Variants in SIK3 observed in about 807,000 individuals in gnomAD.
SIK3 encodes the protein SIK family kinase 3, also known as serine/threonine-protein kinase SIK3.
A neutral mutation model predicts 144.2 loss-of-function variants in SIK3; 28 were observed. That is an observed-to-expected ratio of 0.19 (90% CI 0.14 to 0.27). The LOEUF is 0.27. SIK3 is among the 10% of genes least tolerant of loss of function. The probability of loss-of-function intolerance (pLI) is 1.00; values close to 1 mark genes in which losing one functional copy is unlikely to be tolerated. For missense variants in SIK3, 1,319 were observed against 1,776.0 expected, an observed-to-expected ratio of 0.74 and a Z score of 4.62; for synonymous variants, 686 against 676.3, an observed-to-expected ratio of 1.01 and a Z score of -0.22.
At position 116,867,692 on chromosome 11, in the gene SIK3, A is replaced by G; in HGVS notation, c.1952+254T>C. ...TATCTATGAATCAACATCTAGAATC[A>G]TGGGAATCAAATGCAGACAATAAAC... is the stretch of plus-strand genomic sequence containing the variant. On this transcript the variant is annotated intron_variant, in intron 15 of 24. Transcript: ENST00000445177. This position sits in a 1 kb window ranked among gnomAD's most constrained non-coding sequence, Gnocchi z 4.1. The G allele has an allele frequency of 1.4e-5, 5 of 357,700 alleles. No individual in the cohort carries two copies. The highest frequency in any genetic ancestry group is 2.5e-5 in the Non-Finnish European group (5 of 200,110). The allele number at this position is 357,700 out of a possible 1,614,324, so 22.2% of individuals were successfully genotyped here.
intron 1 of SIK3, chr11:117,035,909 C>T: frequency 6.3e-7 from 1 of 1,596,512 alleles, no homozygotes; most frequent in Non-Finnish European, 8.5e-7. Context: ...TTGTGCATGG[C>T]TAAAGACCGT....
rs546310245 is a variant in SIK3, at chr11:116,853,060, C to T, written c.3656-3777G>A. On this transcript the variant is annotated intron_variant, in intron 21 of 24. Coordinates refer to ENST00000445177, the MANE Select transcript of SIK3 (RefSeq NM_001366686.3). ...ACTTGAAGTCAGGACCCAGCTCCCTCACCAGCAAAGTGTTGGCAAATCTTT... is the reference window on the plus strand; with the variant it reads ...ACTTGAAGTCAGGACCCAGCTCCCTTACCAGCAAAGTGTTGGCAAATCTTT... Among the ~76,000 whole-genome samples the T allele has an allele frequency of 2.0e-5, 3 of 152,342 alleles. No homozygotes were observed. The East Asian group carries it at 5.8e-4, about 29-fold the overall frequency.
At chr11:117,077,550 C>A (rs1245339702) in intron 1 of SIK3, among the ~76,000 whole-genome samples, 1 of 152,108 alleles carries the variant, frequency 6.6e-6, no homozygotes, top group Non-Finnish European at 1.5e-5. Context: ...AACACAAAAG[C>A]CAACTACCTA....
chr11:117,047,123 T>C (rs1220762592), intron 1 of SIK3, among the ~76,000 whole-genome samples: 8 of 152,372 alleles, frequency 5.3e-5, no homozygotes, highest in Middle Eastern at 6.8e-3. Flanking sequence ...TTATTGTTTA[T>C]TTATGTTGGA....
intron 4 of SIK3, among the ~76,000 whole-genome samples, chr11:116,916,809 A>C (rs1263389427): frequency 2.0e-5 from 3 of 151,714 alleles, no homozygotes; most frequent in Non-Finnish European, 4.4e-5. Context: ...AAAAAAAAAA[A>C]AATTTTTTTT....
In SIK3 at chr11:116,956,980, G is replaced by A. The variant is rs759785157; in HGVS notation, c.358C>T (p.Leu120Phe). ...AGCCTGATGATATGGGGGTGGCAAA[G>A]CATCTTCATAATTTGAACTTCCCGG... ...IFREVQIMKM[L>F]CHPHIIRLYQ... is the part of the protein sequence containing the mutation. Residue 120 changes from leucine to phenylalanine, a missense_variant, in exon 2 of 25, where the codon CTT becomes TTT. Around this residue, in one of 8 missense-constraint regions of SIK3, gnomAD observed 125 missense variants for 285.2 expected, o/e 0.44. Transcript: ENST00000445177. 1 of 1,609,512 alleles carries A rather than the reference G, an allele frequency of 6.2e-7. No homozygotes were observed. Among genetic ancestry groups the A allele is most frequent in the South Asian group, 1.1e-5 (1 of 90,160 alleles).
intron 1 of SIK3, among the ~76,000 whole-genome samples, chr11:117,023,978 C>A (rs1951905369): frequency 6.6e-6 from 1 of 152,114 alleles, no homozygotes; most frequent in Non-Finnish European, 1.5e-5. Flanking sequence ...CACACCCGGG[C>A]CTGGACAGAC....
chr11:116,978,662 C>A (rs1036021485), intron 1 of SIK3, among the ~76,000 whole-genome samples: 8 of 151,738 alleles, frequency 5.3e-5, no homozygotes, highest in Non-Finnish European at 8.8e-5. Flanking sequence ...CACCACCATG[C>A]CCAGATAATA....
At chr11:116,857,438 A>C (rs944866843) in intron 21 of SIK3, 1 of 226,490 alleles carries the variant, frequency 4.4e-6, no homozygotes, top group African/African-American at 2.3e-5. Flanking sequence ...AGGTGCTCTG[A>C]CTCTTGTTCC....
chr11:116,935,181 G>A (rs1236210736), intron 3 of SIK3, among the ~76,000 whole-genome samples: 1 of 152,108 alleles, frequency 6.6e-6, no homozygotes, highest in African/African-American at 2.4e-5. Context: ...CCAGGAGTTC[G>A]AGGCTGCAGT....
chr11:117,016,801 TG>T (rs1279384921), intron 1 of SIK3, among the ~76,000 whole-genome samples: 1 of 152,170 alleles, frequency 6.6e-6, no homozygotes, highest in Non-Finnish European at 1.5e-5. Flanking sequence ...TCAATAAAGC[TG>T]GGAGGGTGAG....
At chr11:117,008,995 G>A (rs1361314518) in intron 1 of SIK3, among the ~76,000 whole-genome samples, 1 of 152,060 alleles carries the variant, frequency 6.6e-6, no homozygotes, top group Non-Finnish European at 1.5e-5. Flanking sequence ...AGCACTTTGG[G>A]AGGCCGAGGC....
At chr11:116,861,969 G>A (rs1943358551) in intron 17 of SIK3, 43 bp from the exon 18 acceptor site, 1 of 1,423,280 alleles carries the variant, frequency 7.0e-7, no homozygotes, top group South Asian at 1.2e-5. Flanking sequence ...TTGTGAGCTT[G>A]AAGATTACTC....
chr11:116,960,430 A>C (rs1186335907), intron 1 of SIK3, among the ~76,000 whole-genome samples: 1 of 152,134 alleles, frequency 6.6e-6, no homozygotes, highest in Non-Finnish European at 1.5e-5. Flanking sequence ...GGAAGCTGAG[A>C]CAGAAGGATT....
At chr11:116,940,375 G>A (rs191762648) in intron 3 of SIK3, among the ~76,000 whole-genome samples, 7 of 152,004 alleles carry the variant, frequency 4.6e-5, no homozygotes, top group South Asian at 2.1e-4. Context: ...GACTATAGGC[G>A]TGTGTCACCA....
At chr11:117,095,894 T>C (rs1955452600) in intron 1 of SIK3, among the ~76,000 whole-genome samples, 1 of 152,212 alleles carries the variant, frequency 6.6e-6, no homozygotes. Context: ...TCAGTCTCAT[T>C]CAAGACTTTG....
In SIK3 at chr11:116,844,624, T is replaced by TA. The variant is rs1334326730; in HGVS notation, c.*1018dup. ...ATATATATATTATATATATAATATA[T>TA]ATATAATATATTATATTATATATTA... On this transcript the variant is annotated 3_prime_UTR_variant, in exon 25 of 25. Coordinates refer to ENST00000445177, the MANE Select transcript of SIK3 (RefSeq NM_001366686.3). The TA allele has an allele frequency of 4.6e-4, 16 of 35,118 alleles. No individual in the cohort carries two copies. The highest frequency in any genetic ancestry group is 1.2e-3 in the African/African-American group (4 of 3,222). 2.2% of individuals were successfully genotyped at this position (35,118 alleles called of 1,614,324 possible).
intron 15 of SIK3, among the ~76,000 whole-genome samples, chr11:116,866,464 C>T (rs552939971): frequency 5.3e-5 from 8 of 152,070 alleles, no homozygotes; most frequent in African/African-American, 1.4e-4. Context: ...TTTATTGAGA[C>T]GGAGTCTCAC....
intron 4 of SIK3, among the ~76,000 whole-genome samples, chr11:116,911,540 C>G (rs1946347572): frequency 6.6e-6 from 1 of 151,692 alleles, no homozygotes. Context: ...TATGGAGCAA[C>G]ATGGGAAATA....
Sources: allele counts gnomAD v4.1 joint callset (sites outside exome capture counted in the v4.1 genomes callset), GRCh38; gene constraint gnomAD v4.1.1; regional missense constraint gnomAD v4.1.1; non-coding constraint Gnocchi (gnomAD v3.1); transcripts MANE v1.5; gene names NCBI Gene and HGNC (gene_info 2026-07-23, HGNC 2026-07-21).